Variants in SEMA5A observed in about 807,000 individuals in gnomAD.
The protein encoded by SEMA5A is semaphorin-5A.
In SEMA5A, 55 loss-of-function variants were observed where a neutral mutation model predicts 135.5. That is an observed-to-expected ratio of 0.41 (90% confidence interval 0.33 to 0.51). The LOEUF (loss-of-function observed/expected upper bound fraction) is 0.51, where lower values mean the gene tolerates loss of function less well. Ranked by LOEUF, SEMA5A falls within the 20% of genes least tolerant of loss-of-function variation. SEMA5A has a pLI of 0.37. For missense variants in SEMA5A, 1,290 were observed against 1,419.9 expected (o/e 0.91, Z 1.47); for synonymous variants, 580 against 546.5 (o/e 1.06, Z -0.85).
intron 12 of SEMA5A, among the ~76,000 whole-genome samples, chr5:9,143,342 C>T (rs1351973747): frequency 1.3e-5 from 2 of 150,910 alleles, no homozygotes; most frequent in Non-Finnish European, 2.9e-5. Flanking sequence ...AATTAATGTA[C>T]TTGATTTCAA....
At chr5:9,322,184 G>C (rs148562803) in intron 4 of SEMA5A, among the ~76,000 whole-genome samples, 198 of 152,258 alleles carry the variant, frequency 1.3e-3, no homozygotes, top group African/African-American at 4.7e-3. Context: ...TAACTCTTCT[G>C]ATCATTATTT....
At position 9,054,258 on chromosome 5, in the gene SEMA5A, C is replaced by T; in HGVS notation, c.2519-1G>A. On this transcript the variant is annotated splice_acceptor_variant, in intron 18 of 22. Coordinates refer to ENST00000382496, the MANE Select transcript of SEMA5A (RefSeq NM_003966.3). LOFTEE classifies it high-confidence loss of function. ...GACCAGCAAGACCACACGCCATCCA[C>T]TGTGAAGAAACACAATGTCACAGCT... is the stretch of plus-strand genomic sequence containing the variant. 6.2e-7 allele frequency: 1 copy of T among 1,611,638 alleles called. No individual in the cohort carries two copies. Among genetic ancestry groups the T allele is most frequent in the Non-Finnish European group, 8.5e-7 (1 of 1,178,958 alleles).
intron 5 of SEMA5A, among the ~76,000 whole-genome samples, chr5:9,316,875 A>C (rs777749835): frequency 6.6e-6 from 1 of 152,182 alleles, no homozygotes; most frequent in East Asian, 1.9e-4. Context: ...TATAGTCACC[A>C]TGTCATACAA....
chr5:9,307,588 C>CA (rs1751931640), intron 5 of SEMA5A, among the ~76,000 whole-genome samples: 1 of 151,730 alleles, frequency 6.6e-6, no homozygotes, highest in South Asian at 2.1e-4. Context: ...CTTACTCAAA[C>CA]AAGAAATCAT....
chr5:9,268,189 A>G (rs1322036148), intron 5 of SEMA5A, among the ~76,000 whole-genome samples: 4 of 152,080 alleles, frequency 2.6e-5, no homozygotes, highest in African/African-American at 9.7e-5. Flanking sequence ...TTATTGGTAG[A>G]TTTCATCTGT....
intron 1 of SEMA5A, among the ~76,000 whole-genome samples, chr5:9,539,215 T>A (rs1205135209): frequency 2.0e-5 from 3 of 152,226 alleles, no homozygotes; most frequent in Non-Finnish European, 2.9e-5. Flanking sequence ...ACATGGTGTG[T>A]GGTCTTCAGT....
intron 2 of SEMA5A, among the ~76,000 whole-genome samples, chr5:9,405,635 G>A (rs1319891598): frequency 1.7e-5 from 2 of 115,830 alleles, no homozygotes; most frequent in South Asian, 2.7e-4. Context: ...ACAGCCCCCT[G>A]TCTCTTGGGG....
intron 1 of SEMA5A, among the ~76,000 whole-genome samples, chr5:9,513,587 A>G (rs1276533161): frequency 6.6e-6 from 1 of 152,156 alleles, no homozygotes; most frequent in Non-Finnish European, 1.5e-5. Flanking sequence ...ATTGTATGAT[A>G]TTGTGGCGGC....
At chr5:9,335,216 G>T (rs1179822828) in intron 4 of SEMA5A, among the ~76,000 whole-genome samples, 2 of 152,006 alleles carry the variant, frequency 1.3e-5, no homozygotes, top group African/African-American at 4.8e-5. Context: ...TGGAGATATT[G>T]GACAGAGACC....
intron 5 of SEMA5A, among the ~76,000 whole-genome samples, chr5:9,291,767 T>TG (rs1282811439): frequency 6.6e-6 from 1 of 151,968 alleles, no homozygotes; most frequent in African/African-American, 2.4e-5. Flanking sequence ...AGTTCTTTTT[T>TG]TTTTTTTTTT....
chr5:9,323,113 T>C (rs1752703293), intron 4 of SEMA5A, among the ~76,000 whole-genome samples: 1 of 152,178 alleles, frequency 6.6e-6, no homozygotes, highest in Admixed American at 6.5e-5. Context: ...AACAACTCCC[T>C]GCCCATACCT....
At chr5:9,311,510 A>C (rs148736256) in intron 5 of SEMA5A, among the ~76,000 whole-genome samples, 2,765 of 147,140 alleles carry the variant, frequency 0.019, 84 homozygotes, top group African/African-American at 0.065. Context: ...AACAAACACC[A>C]CATGTTCTCA....
intron 12 of SEMA5A, among the ~76,000 whole-genome samples, chr5:9,139,059 C>A (rs1472545644): frequency 6.6e-6 from 1 of 152,170 alleles, no homozygotes; most frequent in Non-Finnish European, 1.5e-5. Context: ...TATAAACATG[C>A]ATGTGCAAGT....
chr5:9,224,810 T>C lies in SEMA5A; in HGVS notation c.510A>G (p.Thr170=). ...RCPYSPQHNS[T]ALLTAGGELY... is the part of the protein sequence containing the mutation. ...GCTCCCCACCAGCTGTGAGGAGCGC[T>C]GTGGAATTGTGCTGGGGACTGTAGG... is the stretch of plus-strand genomic sequence containing the variant. Residue 170 remains threonine, a synonymous_variant, in exon 8 of 23, where the codon ACA becomes ACG. Transcript: ENST00000382496. 1 of 1,614,090 alleles carries C rather than the reference T, an allele frequency of 6.2e-7. No homozygotes were observed. The highest frequency in any genetic ancestry group is 8.5e-7 in the Non-Finnish European group (1 of 1,179,980).
At chr5:9,542,731 AC>A (rs1738161155) in intron 1 of SEMA5A, among the ~76,000 whole-genome samples, 1 of 152,172 alleles carries the variant, frequency 6.6e-6, no homozygotes, top group Non-Finnish European at 1.5e-5. Context: ...CGGCTGCTGT[AC>A]TCAAATAGTT....
chr5:9,332,652 T>G (rs1753204744), intron 4 of SEMA5A, among the ~76,000 whole-genome samples: 1 of 152,174 alleles, frequency 6.6e-6, no homozygotes, highest in Non-Finnish European at 1.5e-5. Flanking sequence ...TGTGCAGCTA[T>G]GGGCTGGTAC....
At chr5:9,200,058 G>GA (rs1307945171) in intron 9 of SEMA5A, among the ~76,000 whole-genome samples, 2 of 152,082 alleles carry the variant, frequency 1.3e-5, no homozygotes, top group Non-Finnish European at 2.9e-5. Flanking sequence ...CTTTCCGTTT[G>GA]AAAAAAACCT....
At chr5:9,207,884 G>GATAGATAC (rs1554003520) in intron 8 of SEMA5A, among the ~76,000 whole-genome samples, 2 of 44,236 alleles carry the variant, frequency 4.5e-5, no homozygotes, top group Non-Finnish European at 1.0e-4. Flanking sequence ...TAGATAGATA[G>GATAGATAC]ATAGATAGAT....
At chr5:9,364,194 C>G (rs1252052769) in intron 3 of SEMA5A, among the ~76,000 whole-genome samples, 2 of 152,176 alleles carry the variant, frequency 1.3e-5, no homozygotes, top group African/African-American at 4.8e-5. Context: ...TTTATTCTCT[C>G]TAAATTCCAA....
Sources: gnomAD v4.1 joint callset for allele counts (sites outside exome capture counted in the v4.1 genomes callset) on GRCh38, gnomAD v4.1.1 for gene constraint, MANE v1.5 for transcripts, NCBI Gene and HGNC (gene_info 2026-07-23, HGNC 2026-07-21) for gene names.